The following LY96 variants were observed in gnomAD, a reference collection of about 807,000 sequenced individuals.
LY96 encodes the protein myeloid differentiation protein-2.
Under a neutral mutation model 18.9 loss-of-function variants are expected in LY96, and 18 were observed. The observed-to-expected ratio is 0.95, with a 90% CI of 0.66 to 1.41. The LOEUF is 1.41. LY96 is among the 40% of genes most tolerant of loss of function. The probability of loss-of-function intolerance (pLI) is 0.00; values close to 1 mark genes in which losing one functional copy is unlikely to be tolerated. For missense variants in LY96, 175 were observed against 182.4 expected, an observed-to-expected ratio of 0.96 and a Z score of 0.23; for synonymous variants, 66 against 62.6, an observed-to-expected ratio of 1.06 and a Z score of -0.26.
the LY96 span, among the ~76,000 whole-genome samples, chr8:74,051,815 C>A: frequency 6.6e-6 from 1 of 152,204 alleles, no homozygotes; most frequent in African/African-American, 2.4e-5. Context: ...GATTTCCTAG[C>A]TCCAGAATTG....
intron 3 of LY96, among the ~76,000 whole-genome samples, chr8:74,021,932 G>T (rs1054713375): frequency 6.6e-6 from 1 of 151,988 alleles, no homozygotes; most frequent in African/African-American, 2.4e-5. Flanking sequence ...GGGGTGGGGG[G>T]CTGGGGGAGG....
chr8:74,062,657 T>C, the LY96 span, among the ~76,000 whole-genome samples: 1 of 152,234 alleles, frequency 6.6e-6, no homozygotes, highest in Non-Finnish European at 1.5e-5. Flanking sequence ...GATGGGCGTT[T>C]GGGTTGATTC....
At chr8:74,085,552 C>T in the LY96 span, among the ~76,000 whole-genome samples, 1 of 152,222 alleles carries the variant, frequency 6.6e-6, no homozygotes, top group Admixed American at 6.5e-5. Context: ...GCCACTGCAG[C>T]AATAGTGATG....
chr8:74,050,403 G>A, the LY96 span, among the ~76,000 whole-genome samples: 1 of 151,800 alleles, frequency 6.6e-6, no homozygotes, highest in East Asian at 1.9e-4. Context: ...AAAAGACTTG[G>A]TGTGAATGCT....
chr8:74,057,710 T>C, the LY96 span, among the ~76,000 whole-genome samples: 1 of 152,256 alleles, frequency 6.6e-6, no homozygotes, highest in Non-Finnish European at 1.5e-5. Flanking sequence ...TTTAGGTCAT[T>C]GATATGTATC....
At chr8:74,076,718 G>T in the LY96 span, among the ~76,000 whole-genome samples, 2 of 152,108 alleles carry the variant, frequency 1.3e-5, no homozygotes, top group East Asian at 3.8e-4. Context: ...TGGGGGCTGA[G>T]AAAACATGCT....
chr8:74,032,712 T>TA (rs1816991741), downstream of LY96, among the ~76,000 whole-genome samples: 1 of 152,110 alleles, frequency 6.6e-6, no homozygotes, highest in African/African-American at 2.4e-5. Context: ...CAATAAATTG[T>TA]AAAAATAACT....
At chr8:74,040,083 T>G in the LY96 span, among the ~76,000 whole-genome samples, 2 of 152,226 alleles carry the variant, frequency 1.3e-5, no homozygotes, top group African/African-American at 2.4e-5. Flanking sequence ...TCTTGCCTTC[T>G]AGGTCACTTC....
the LY96 span, among the ~76,000 whole-genome samples, chr8:74,036,541 C>T: frequency 1.3e-5 from 2 of 152,134 alleles, no homozygotes; most frequent in East Asian, 3.8e-4. Context: ...GTCCTGTGTC[C>T]CCACCCAGAG....
chr8:74,001,205 C>T (rs1816257268), intron 1 of LY96, among the ~76,000 whole-genome samples: 1 of 150,950 alleles, frequency 6.6e-6, no homozygotes, highest in South Asian at 2.1e-4. Context: ...ACAAAGAAAG[C>T]CTCTATCTCT....
At chr8:74,050,113 C>T in the LY96 span, among the ~76,000 whole-genome samples, 1 of 152,116 alleles carries the variant, frequency 6.6e-6, no homozygotes, top group Non-Finnish European at 1.5e-5. Context: ...GAAGCTGAGG[C>T]ACATGGATCA....
the LY96 span, among the ~76,000 whole-genome samples, chr8:74,083,390 A>G: frequency 6.6e-6 from 1 of 151,830 alleles, no homozygotes; most frequent in African/African-American, 2.4e-5. Flanking sequence ...AATTTTTTGT[A>G]TTTTTAGTAG....
chr8:74,037,253 T>C, the LY96 span, among the ~76,000 whole-genome samples: 2 of 152,176 alleles, frequency 1.3e-5, no homozygotes, highest in Admixed American at 6.5e-5. Context: ...TGCCCACATT[T>C]CTGTGGACAA....
In LY96 at chr8:74,015,156, G is replaced by T. The variant is rs140318582; in HGVS notation, c.331+5027G>T. Among the ~76,000 whole-genome samples, 8 of 152,140 alleles carry T rather than the reference G, an allele frequency of 5.3e-5. No homozygotes were observed. The South Asian group carries it at 1.5e-3, about 28-fold the overall frequency. On this transcript the variant is annotated intron_variant, in intron 3 of 4. Transcript: ENST00000284818. The stretch of plus-strand genomic sequence containing the variant: ...TGGGCAGTGGAGGCTGCAGTGAGCC[G>T]TGATTGCACCACTGCACTCCAGCCT...
chr8:74,032,933 C>A (rs1274805567), downstream of LY96, among the ~76,000 whole-genome samples: 3 of 152,244 alleles, frequency 2.0e-5, no homozygotes, highest in East Asian at 5.8e-4. Context: ...AAGTGGAACA[C>A]CCCAGATGAA....
chr8:74,008,467 G>T (rs143589266), intron 2 of LY96, among the ~76,000 whole-genome samples: 1 of 152,216 alleles, frequency 6.6e-6, no homozygotes, highest in Non-Finnish European at 1.5e-5. Flanking sequence ...CAGACGCCAT[G>T]ATATTCTTCT....
chr8:73,995,063 A>C (rs911875297), intron 1 of LY96, among the ~76,000 whole-genome samples: 2 of 152,176 alleles, frequency 1.3e-5, no homozygotes, highest in Non-Finnish European at 2.9e-5. Context: ...TTCTCTCATG[A>C]ATAAATTAAT....
chr8:74,048,801 AAAAG>A, the LY96 span: 30 of 132,552 alleles, frequency 2.3e-4, no homozygotes, highest in Non-Finnish European at 4.2e-4. Flanking sequence ...AGGAAGGAGA[AAAAG>A]AAAAAAAGAG....
chr8:74,089,552 T>C, the LY96 span, among the ~76,000 whole-genome samples: 1 of 152,194 alleles, frequency 6.6e-6, no homozygotes, highest in African/African-American at 2.4e-5. Context: ...ATGAGAAAGA[T>C]ACACAGGGAA....
Sources: gnomAD v4.1 joint callset for allele counts (sites outside exome capture counted in the v4.1 genomes callset) on GRCh38, gnomAD v4.1.1 for gene constraint, MANE v1.5 for transcripts, NCBI Gene and HGNC (gene_info 2026-07-23, HGNC 2026-07-21) for gene names.